The following UBAP2 variants were observed in gnomAD, a reference collection of about 807,000 sequenced individuals.
UBAP2 encodes the protein ubiquitin-associated protein 2.
UBAP2 carries 75 observed loss-of-function variants against 139.6 expected under a neutral mutation model. The observed-to-expected ratio is 0.54, with a 90% CI of 0.45 to 0.65. The LOEUF (loss-of-function observed/expected upper bound fraction) is 0.65. UBAP2 is among the 30% of genes least tolerant of loss of function. The pLI is 0.00. For synonymous variants in UBAP2, 526 were observed against 526.2 expected (o/e 1.00, Z 0.01); for missense variants, 1,368 against 1,369.6 (o/e 1.00, Z 0.02).
At chr9:33,944,280 A>G in intron 14 of UBAP2, 85 bp downstream of exon 14, 2 of 1,538,316 alleles carry the variant, frequency 1.3e-6, no homozygotes, top group Non-Finnish European at 1.8e-6. Context: ...ACTGTACCCC[A>G]GTTTCCAAAA....
At chr9:33,992,509 G>C (rs1463262798) in intron 4 of UBAP2, among the ~76,000 whole-genome samples, 1 of 151,840 alleles carries the variant, frequency 6.6e-6, no homozygotes, top group Non-Finnish European at 1.5e-5. Context: ...GCAGTGAGCT[G>C]AGATCATGCC....
chr9:33,960,922 A>G, intron 9 of UBAP2, 44 bp from the exon 10 acceptor site: 2 of 1,584,266 alleles, frequency 1.3e-6, no homozygotes, highest in African/African-American at 1.3e-5. Context: ...CACAAAGTCA[A>G]ATACAGTCTC....
At chr9:33,935,163 C>G (rs868775537) in intron 17 of UBAP2, among the ~76,000 whole-genome samples, 73 of 87,934 alleles carry the variant, frequency 8.3e-4, no homozygotes, top group South Asian at 1.0e-3. Flanking sequence ...TTGGAAGTGG[C>G]GGGGGGGGGG....
chr9:33,994,758 A>T (rs1822007791), intron 4 of UBAP2: 1 of 152,128 alleles, frequency 6.6e-6, no homozygotes. Context: ...CTACACTCAA[A>T]CAGTGAAATC....
intron 15 of UBAP2, 63 bp from the exon 16 acceptor site, chr9:33,941,925 A>C: frequency 1.6e-6 from 2 of 1,236,106 alleles, no homozygotes; most frequent in Non-Finnish European, 2.3e-6. Flanking sequence ...TAAAAAAAAA[A>C]AAACATAAAC....
In UBAP2 at chr9:33,999,853, C is replaced by CGTATGTAT. The variant is rs67444158; in HGVS notation, c.100-997_100-990dup. ...GCCTCCAGAGTAGCTGGGATTACTA[C>CGTATGTAT]GTATGTATGTATGTATGTATGTATG... is the stretch of plus-strand genomic sequence containing the variant. On this transcript the variant is annotated intron_variant, in intron 2 of 28. Transcript: ENST00000379238. 8.4e-3 allele frequency among the ~76,000 whole-genome samples: 1,158 copies of CGTATGTAT among 138,260 alleles called. 12 individuals carry two copies. The highest frequency in any genetic ancestry group is 0.022 in the African/African-American group (816 of 36,982). The allele number at this position is 138,260 out of a possible 152,430, so 90.7% of individuals were successfully genotyped here. A position where few individuals can be genotyped will look rare whatever the true frequency, so the allele number is the denominator to read the frequency against.
At chr9:34,032,581 T>G (rs1825976207) in intron 1 of UBAP2, among the ~76,000 whole-genome samples, 1 of 152,112 alleles carries the variant, frequency 6.6e-6, no homozygotes, top group Non-Finnish European at 1.5e-5. Flanking sequence ...AAACAATTTT[T>G]CTTCTACTAC....
intron 1 of UBAP2, among the ~76,000 whole-genome samples, chr9:34,019,174 GT>G (rs1824673118): frequency 6.6e-6 from 1 of 152,110 alleles, no homozygotes; most frequent in Non-Finnish European, 1.5e-5. Context: ...GAGGAGGCAG[GT>G]AGATTGATTA....
At chr9:33,924,400 A>G in intron 22 of UBAP2, 116 bp from the exon 23 acceptor site, 1 of 1,018,170 alleles carries the variant, frequency 9.8e-7, no homozygotes, top group South Asian at 1.4e-5. Flanking sequence ...CATGCCTGAG[A>G]GCCAGCAGTC....
intron 21 of UBAP2, 30 bp downstream of exon 21, chr9:33,926,959 G>T (rs766296720): frequency 6.2e-7 from 1 of 1,607,198 alleles, no homozygotes; most frequent in Non-Finnish European, 8.5e-7. Flanking sequence ...AGGGGAGCTG[G>T]GCAGGCCAGG....
intron 12 of UBAP2, among the ~76,000 whole-genome samples, chr9:33,949,576 G>A (rs529778337): frequency 2.0e-4 from 30 of 152,148 alleles, no homozygotes; most frequent in Non-Finnish European, 3.4e-4. Context: ...GGTGGTGAAC[G>A]CCTGCAATCC....
chr9:33,933,668 A>C, intron 17 of UBAP2, 40 bp from the exon 18 acceptor site: 2 of 1,606,644 alleles, frequency 1.2e-6, no homozygotes, highest in Non-Finnish European at 1.7e-6. Context: ...AGATCTGTTT[A>C]TTTCTAAAAC....
chr9:33,922,604 G>C lies in UBAP2; in HGVS notation c.3265-5C>G. On this transcript the variant is annotated splice_polypyrimidine_tract_variant and splice_region_variant and intron_variant, in intron 28 of 28. Coordinates refer to ENST00000379238, the MANE Select transcript of UBAP2 (RefSeq NM_001370062.2). ...GCTGCGCTGACCCGAGCCACTCTGA[G>C]GAAGAGGAGAAGGGAAGGCTGTCAA... 1 of 1,612,652 alleles carries C rather than the reference G, an allele frequency of 6.2e-7. No individual in the cohort carries two copies. The highest frequency in any genetic ancestry group is 8.5e-7 in the Non-Finnish European group (1 of 1,179,288).
chr9:33,958,651 G>A lies in UBAP2; in HGVS notation c.798+2175C>T, dbSNP rs186254800. On this transcript the variant is annotated intron_variant, in intron 10 of 28. Coordinates refer to ENST00000379238, the MANE Select transcript of UBAP2 (RefSeq NM_001370062.2). ...TTGAACTCCTGACCTCAGGTGATCC[G>A]CCCACCGCAGCCTCCCAAAATGCTG... Among the ~76,000 whole-genome samples, 797 of 145,184 alleles carry A rather than the reference G, an allele frequency of 5.5e-3. 9 individuals are homozygous for A. The highest frequency in any genetic ancestry group is 0.019 in the African/African-American group (748 of 39,254).
chr9:33,978,249 G>T (rs931750065), intron 6 of UBAP2, among the ~76,000 whole-genome samples: 1 of 151,858 alleles, frequency 6.6e-6, no homozygotes, highest in African/African-American at 2.4e-5. Context: ...AAATTTAAAC[G>T]TAAGCTGGGT....
chr9:33,988,094 T>C (rs937995638), intron 5 of UBAP2, among the ~76,000 whole-genome samples: 3 of 152,188 alleles, frequency 2.0e-5, no homozygotes, highest in Non-Finnish European at 4.4e-5. Context: ...CCTCTTCCCA[T>C]AATTTGCATC....
intron 1 of UBAP2, among the ~76,000 whole-genome samples, chr9:34,030,836 A>C (rs1411927802): frequency 1.3e-5 from 2 of 152,012 alleles, no homozygotes; most frequent in Non-Finnish European, 1.5e-5. Flanking sequence ...AGGCTGAGGC[A>C]GGAGAATGGC....
chr9:33,973,376 C>G, intron 6 of UBAP2, 139 bp from the exon 7 acceptor site: 1 of 874,652 alleles, frequency 1.1e-6, no homozygotes, highest in Non-Finnish European at 1.8e-6. Context: ...CCAGGGCACC[C>G]AATTAACTGA....
chr9:33,936,945 A>C (rs1824588136), intron 16 of UBAP2, among the ~76,000 whole-genome samples: 1 of 151,250 alleles, frequency 6.6e-6, no homozygotes, highest in South Asian at 2.1e-4. Context: ...AAAAAAAAAA[A>C]AAAAAAACAG....
Sources: gnomAD v4.1 joint callset for allele counts (sites outside exome capture counted in the v4.1 genomes callset) on GRCh38, gnomAD v4.1.1 for gene constraint, MANE v1.5 for transcripts, NCBI Gene and HGNC (gene_info 2026-07-23, HGNC 2026-07-21) for gene names.